The following POU6F2 variants were observed in gnomAD, a reference collection of about 807,000 sequenced individuals.
POU6F2 encodes POU class 6 homeobox 2.
Under a neutral mutation model 71.3 loss-of-function variants are expected in POU6F2, and 31 were observed. The observed-to-expected ratio is 0.43, with a 90% CI of 0.33 to 0.59. The LOEUF (loss-of-function observed/expected upper bound fraction) is 0.59. Ranked by LOEUF, POU6F2 falls within the 20% of genes least tolerant of loss-of-function variation. The probability of loss-of-function intolerance (pLI) is 0.04; values close to 1 mark genes in which losing one functional copy is unlikely to be tolerated. For synonymous variants in POU6F2, 347 were observed against 355.7 expected (o/e 0.98, Z 0.27); for missense variants, 783 against 856.8 (o/e 0.91, Z 1.07).
chr7:39,438,392 G>A (rs1788303884), intron 7 of POU6F2, among the ~76,000 whole-genome samples: 1 of 152,106 alleles, frequency 6.6e-6, no homozygotes, highest in Non-Finnish European at 1.5e-5. Flanking sequence ...TGTGAGTAGT[G>A]CCGCAATAAA....
At chr7:39,123,552 C>T (rs1479852322) in intron 2 of POU6F2, among the ~76,000 whole-genome samples, 2 of 152,200 alleles carry the variant, frequency 1.3e-5, no homozygotes, top group African/African-American at 4.8e-5. Context: ...ATTAGAGCAT[C>T]AGTTGCTTGC....
intron 2 of POU6F2, among the ~76,000 whole-genome samples, chr7:39,168,906 G>A (rs867710269): frequency 2.1e-4 from 32 of 152,116 alleles, no homozygotes; most frequent in Non-Finnish European, 1.2e-4. Context: ...GCGCCCATGT[G>A]GCCAGATTGA....
In POU6F2 at chr7:39,148,569, GTGA is replaced by G. The variant is rs974956341; in HGVS notation, c.278-55652_278-55650del. ...GGTGATGATGATAATGATAATGATG[GTGA>G]TGATGATGATGATAATGATGATAAT... is the stretch of plus-strand genomic sequence containing the variant. On this transcript the variant is annotated intron_variant, in intron 2 of 9. Coordinates refer to ENST00000518318, the MANE Select transcript of POU6F2 (RefSeq NM_001370959.1). Among the ~76,000 whole-genome samples, 8 of 151,950 alleles carry G rather than the reference GTGA, an allele frequency of 5.3e-5. No individual in the cohort carries two copies. The East Asian group carries it at 5.8e-4, about 11-fold the overall frequency.
At chr7:39,183,534 G>A (rs1161506383) in intron 2 of POU6F2, among the ~76,000 whole-genome samples, 1 of 152,072 alleles carries the variant, frequency 6.6e-6, no homozygotes, top group African/African-American at 2.4e-5. Context: ...TAGCAAGGGG[G>A]AAACCTGCCC....
intron 2 of POU6F2, among the ~76,000 whole-genome samples, chr7:39,135,094 CA>C (rs1290943959): frequency 6.6e-6 from 1 of 152,112 alleles, no homozygotes; most frequent in African/African-American, 2.4e-5. Flanking sequence ...ATCCAGGAAG[CA>C]GCTCTTAAAC....
Position 39,464,106 on chromosome 7 carries a change from T to G in POU6F2, c.1659-76T>G. 6.6e-6 allele frequency: 10 copies of G among 1,515,780 alleles called. No homozygotes were observed. Among genetic ancestry groups the G allele is most frequent in the South Asian group, 2.5e-5 (2 of 78,434 alleles). The allele number at this position is 1,515,780 out of a possible 1,614,324, so 93.9% of individuals were successfully genotyped here. On this transcript the variant is annotated intron_variant, in intron 9 of 9. Coordinates refer to ENST00000518318, the MANE Select transcript of POU6F2 (RefSeq NM_001370959.1). The surrounding 1 kb of genome is among the most constrained non-coding windows in gnomAD (Gnocchi z 4.1). ...GCAGTAAATTCGCCCTGCCAGGCAG[T>G]CAGGCAGGCAGGCAGGAGGCCCACC...
chr7:39,353,342 A>G (rs1786180641), intron 5 of POU6F2, among the ~76,000 whole-genome samples: 1 of 152,112 alleles, frequency 6.6e-6, no homozygotes, highest in Admixed American at 6.5e-5. Flanking sequence ...TGTCCTGCCA[A>G]CCCCCACCCA....
intron 4 of POU6F2, among the ~76,000 whole-genome samples, chr7:39,233,900 G>A (rs564794098): frequency 9.5e-4 from 145 of 152,276 alleles, no homozygotes; most frequent in African/African-American, 3.3e-3. Context: ...ATCAGAGCAT[G>A]GGGATATTTC....
At chr7:39,065,040 G>T (rs1200052013) in intron 1 of POU6F2, among the ~76,000 whole-genome samples, 3 of 151,618 alleles carry the variant, frequency 2.0e-5, no homozygotes, top group Non-Finnish European at 4.4e-5. Context: ...ATAACTTAAA[G>T]AATTAAAACC....
chr7:39,204,302 C>T lies in POU6F2; in HGVS notation c.345C>T (p.His115=), dbSNP rs750670501. ...TPDQHQASQT[H]PPFPVGPQPL... is the part of the protein sequence containing the mutation. ...ACCAACACCAGGCCAGTCAGACCCA[C>T]CCCCCATTTCCAGTTGGGCCACAGG... Residue 115 remains histidine, a synonymous_variant, in exon 3 of 10, where the codon CAC becomes CAT. Coordinates refer to ENST00000518318, the MANE Select transcript of POU6F2 (RefSeq NM_001370959.1). 3.7e-6 allele frequency: 6 copies of T among 1,613,396 alleles called. No homozygotes were observed. The highest frequency in any genetic ancestry group is 3.4e-6 in the Non-Finnish European group (4 of 1,179,506).
At chr7:39,225,872 T>C (rs1256748274) in intron 4 of POU6F2, among the ~76,000 whole-genome samples, 1 of 152,054 alleles carries the variant, frequency 6.6e-6, no homozygotes. Context: ...TGTGATTTCA[T>C]GCCATAAAAA....
intron 4 of POU6F2, among the ~76,000 whole-genome samples, chr7:39,333,834 C>T (rs1291201499): frequency 6.6e-6 from 1 of 152,164 alleles, no homozygotes; most frequent in East Asian, 1.9e-4. Flanking sequence ...CGCACCCTCC[C>T]CACTTGCTGC....
chr7:39,113,934 C>T (rs955453232), intron 2 of POU6F2, among the ~76,000 whole-genome samples: 1 of 152,058 alleles, frequency 6.6e-6, no homozygotes, highest in Admixed American at 6.6e-5. Flanking sequence ...CAAGGAATAC[C>T]CTTCTGGCTA....
At chr7:39,299,844 A>G (rs995556824) in intron 4 of POU6F2, among the ~76,000 whole-genome samples, 2 of 152,174 alleles carry the variant, frequency 1.3e-5, no homozygotes, top group Admixed American at 6.5e-5. Flanking sequence ...ATGAGCCACA[A>G]CTTGATTAAC....
At chr7:39,423,912 C>T (rs1196820144) in intron 6 of POU6F2, among the ~76,000 whole-genome samples, 2 of 152,228 alleles carry the variant, frequency 1.3e-5, no homozygotes, top group Non-Finnish European at 2.9e-5. Context: ...TTGATTCCAA[C>T]ATCGTGCCTG....
At chr7:39,337,531 A>G (rs1785805103) in intron 4 of POU6F2, among the ~76,000 whole-genome samples, 1 of 151,768 alleles carries the variant, frequency 6.6e-6, no homozygotes, top group African/African-American at 2.4e-5. Flanking sequence ...TCAAATATTA[A>G]TACATCCTTG....
intron 5 of POU6F2, chr7:39,406,395 C>T (rs965658738): frequency 3.4e-6 from 2 of 584,026 alleles, no homozygotes; most frequent in African/African-American, 1.9e-5. Context: ...ACCAAGCTCC[C>T]CAACATTTTC....
intron 1 of POU6F2, among the ~76,000 whole-genome samples, chr7:39,071,244 C>T (rs79923259): frequency 0.046 from 7,067 of 152,116 alleles, 237 homozygotes; most frequent in Non-Finnish European, 0.068. Context: ...AATGGGCTAC[C>T]GAGATCCCTC....
rs758676902 is a variant in POU6F2 at position 39,319,103 on chromosome 7, A to G, written c.599-20539A>G. The stretch of plus-strand genomic sequence containing the variant: ...GCCATGATCACACCACTGCACCTCA[A>G]TCTGGTGACAAAGGGAGACCCTGCC... On this transcript the variant is annotated intron_variant, in intron 4 of 9. Coordinates refer to ENST00000518318, the MANE Select transcript of POU6F2 (RefSeq NM_001370959.1). Among the ~76,000 whole-genome samples, 9 of 152,290 alleles carry G rather than the reference A, an allele frequency of 5.9e-5. No individual in the cohort carries two copies. The South Asian group carries it at 1.7e-3, about 28-fold the overall frequency.
Sources: allele counts gnomAD v4.1 joint callset (sites outside exome capture counted in the v4.1 genomes callset), GRCh38; gene constraint gnomAD v4.1.1; non-coding constraint Gnocchi (gnomAD v3.1); transcripts MANE v1.5; gene names NCBI Gene and HGNC (gene_info 2026-07-23, HGNC 2026-07-21).